Variants in AGPS observed in about 807,000 individuals in gnomAD.
AGPS encodes alkylglycerone phosphate synthase, also known as alkyldihydroxyacetonephosphate synthase, peroxisomal.
A neutral mutation model predicts 90.7 loss-of-function variants in AGPS; 26 were observed. The observed-to-expected ratio is 0.29, with a 90% CI of 0.21 to 0.40. The LOEUF (loss-of-function observed/expected upper bound fraction) is 0.40, where lower values mean the gene tolerates loss of function less well. Among genes scored for constraint, AGPS ranks in the 10% least tolerant of loss-of-function variants. AGPS has a pLI of 1.00. For missense variants in AGPS, 540 were observed against 816.1 expected, an observed-to-expected ratio of 0.66 and a Z score of 4.12; for synonymous variants, 294 against 285.3, an observed-to-expected ratio of 1.03 and a Z score of -0.31.
intron 8 of AGPS, among the ~76,000 whole-genome samples, chr2:177,456,707 T>C (rs538062308): frequency 2.0e-5 from 3 of 152,234 alleles, no homozygotes; most frequent in South Asian, 2.1e-4. Context: ...AAGAAACAAA[T>C]TAATCGTATA....
At chr2:177,471,896 T>C (rs1025100665) in intron 10 of AGPS, among the ~76,000 whole-genome samples, 1 of 152,174 alleles carries the variant, frequency 6.6e-6, no homozygotes, top group African/African-American at 2.4e-5. Flanking sequence ...TAAAGAAATA[T>C]GATACCTGTT....
At chr2:177,476,972 G>T (rs1687798061) in intron 10 of AGPS, among the ~76,000 whole-genome samples, 1 of 151,936 alleles carries the variant, frequency 6.6e-6, no homozygotes, top group Admixed American at 6.6e-5. Flanking sequence ...AGTCACTCTA[G>T]CTTTCTTGTG....
At chr2:177,480,779 G>T (rs1264486292) in intron 10 of AGPS, among the ~76,000 whole-genome samples, 1 of 151,582 alleles carries the variant, frequency 6.6e-6, no homozygotes, top group Non-Finnish European at 1.5e-5. Flanking sequence ...AAAATAAATT[G>T]TATTTTACAC....
intron 5 of AGPS, among the ~76,000 whole-genome samples, chr2:177,439,419 A>G (rs899477534): frequency 7.2e-5 from 11 of 152,162 alleles, no homozygotes; most frequent in African/African-American, 2.7e-4. Context: ...ATTAGGTGAC[A>G]TTCCTAGAAG....
intron 19 of AGPS, 61 bp from the exon 20 acceptor site, chr2:177,538,013 A>C: frequency 6.3e-7 from 1 of 1,594,718 alleles, no homozygotes; most frequent in East Asian, 2.2e-5. Context: ...CATGGTCACA[A>C]GATTGATTGG....
intron 2 of AGPS, among the ~76,000 whole-genome samples, chr2:177,420,825 G>T (rs1685921781): frequency 6.6e-6 from 1 of 151,592 alleles, no homozygotes; most frequent in Non-Finnish European, 1.5e-5. Flanking sequence ...AAGGAGTGTG[G>T]GTTATTATGA....
In AGPS at chr2:177,465,014, G is replaced by A. The variant is rs537513268; in HGVS notation, c.996+2996G>A. ...TATTCATTACAGAAGTATAAAAAATGTATGCTATAGCTGGGCATGGTAGTT... is the reference window on the plus strand; with the variant it reads ...TATTCATTACAGAAGTATAAAAAATATATGCTATAGCTGGGCATGGTAGTT... On this transcript the variant is annotated intron_variant, in intron 9 of 19. Transcript: ENST00000264167. 1.1e-4 allele frequency among the ~76,000 whole-genome samples: 16 copies of A among 152,280 alleles called. No individual in the cohort carries two copies. In the South Asian group the frequency reaches 3.3e-3, roughly 32 times the overall value.
intron 1 of AGPS, among the ~76,000 whole-genome samples, 160 bp from the exon 2 acceptor site, chr2:177,420,109 G>C (rs548842516): frequency 2.6e-5 from 4 of 151,854 alleles, no homozygotes; most frequent in African/African-American, 9.6e-5. Context: ...AGAAATATTA[G>C]TATATGGACA....
At chr2:177,437,663 A>G (rs570184251) in intron 5 of AGPS, among the ~76,000 whole-genome samples, 5 of 152,302 alleles carry the variant, frequency 3.3e-5, no homozygotes, top group African/African-American at 1.2e-4. Context: ...CAAGATGGGT[A>G]TATTGTTCCT....
intron 11 of AGPS, among the ~76,000 whole-genome samples, chr2:177,483,105 G>A (rs1687993508): frequency 6.6e-6 from 1 of 152,068 alleles, no homozygotes; most frequent in Non-Finnish European, 1.5e-5. Context: ...GCAGTGTGGA[G>A]GAAGAATCTG....
chr2:177,401,607 C>T (rs948779543), intron 1 of AGPS, among the ~76,000 whole-genome samples: 6 of 151,690 alleles, frequency 4.0e-5, no homozygotes, highest in Admixed American at 6.6e-5. Context: ...TGCAGTGGCA[C>T]GATCTCGGCT....
Position 177,542,251 on chromosome 2 carries a change from T to C in AGPS, c.*4056T>C, listed in dbSNP as rs377375306. 15 of 152,174 alleles carry C rather than the reference T, an allele frequency of 9.9e-5. No individual in the cohort carries two copies. In the East Asian group the frequency reaches 1.3e-3, roughly 14 times the overall value. The allele number at this position is 152,174 out of a possible 1,614,324, so 9.4% of individuals were successfully genotyped here. ...CTCTTTGGATTTATAGCTGAGGATA[T>C]TGTTAGCTAGGTTTTGTCAATCCCT... On this transcript the variant is annotated 3_prime_UTR_variant, in exon 20 of 20. Transcript: ENST00000264167.
intron 1 of AGPS, among the ~76,000 whole-genome samples, chr2:177,417,161 A>C (rs1296725156): frequency 2.0e-5 from 3 of 152,196 alleles, no homozygotes; most frequent in Non-Finnish European, 4.4e-5. Context: ...TAATTTGAAA[A>C]TCTAAAATCC....
chr2:177,523,078 T>G (rs1363166722), intron 18 of AGPS, among the ~76,000 whole-genome samples: 1 of 152,200 alleles, frequency 6.6e-6, no homozygotes, highest in East Asian at 1.9e-4. Context: ...ACGAGGTTTT[T>G]CTTTTCACTC....
chr2:177,429,979 C>T (rs1302773421), intron 2 of AGPS, among the ~76,000 whole-genome samples: 1 of 152,206 alleles, frequency 6.6e-6, no homozygotes, highest in South Asian at 2.1e-4. Flanking sequence ...GTCTGTGTCA[C>T]CCTGTCTGGA....
Position 177,538,279 on chromosome 2 carries a change from G to A in AGPS, c.*84G>A. 1 of 1,380,266 alleles carries A rather than the reference G, an allele frequency of 7.2e-7. No individual in the cohort carries two copies. Among genetic ancestry groups the A allele is most frequent in the Middle Eastern group, 1.8e-4 (1 of 5,488 alleles). The allele number at this position is 1,380,266 out of a possible 1,614,324, so 85.5% of individuals were successfully genotyped here. On this transcript the variant is annotated 3_prime_UTR_variant, in exon 20 of 20. Transcript: ENST00000264167. ...TATACTAGTAATCAAATATATCATG[G>A]ACTATATTTTGGATACATTTGTTTC...
At chr2:177,525,609 T>TAA (rs2079078501) in intron 19 of AGPS, among the ~76,000 whole-genome samples, 1 of 152,184 alleles carries the variant, frequency 6.6e-6, no homozygotes, top group Non-Finnish European at 1.5e-5. Flanking sequence ...ATCATATATA[T>TAA]AACAAGGAAA....
chr2:177,400,640 A>G (rs1449600786), intron 1 of AGPS, among the ~76,000 whole-genome samples: 2 of 152,196 alleles, frequency 1.3e-5, no homozygotes, highest in South Asian at 2.1e-4. Flanking sequence ...GATTGCATAT[A>G]ACATTTGTTC....
chr2:177,411,947 C>T (rs1474254692), intron 1 of AGPS, among the ~76,000 whole-genome samples: 3 of 152,032 alleles, frequency 2.0e-5, no homozygotes, highest in Admixed American at 6.6e-5. Flanking sequence ...GAGCAGTCCT[C>T]CTAGCCATTT....
Sources: allele counts gnomAD v4.1 joint callset (sites outside exome capture counted in the v4.1 genomes callset), GRCh38; gene constraint gnomAD v4.1.1; transcripts MANE v1.5; gene names NCBI Gene and HGNC (gene_info 2026-07-23, HGNC 2026-07-21).